Variants in ADAM22 observed in about 807,000 individuals in gnomAD.
ADAM22 encodes ADAM metallopeptidase domain 22, also known as disintegrin and metalloproteinase domain-containing protein 22.
Under a neutral mutation model 144.6 loss-of-function variants are expected in ADAM22, and 65 were observed. The observed-to-expected ratio is 0.45, with a 90% CI of 0.37 to 0.55. ADAM22 has a LOEUF of 0.55. ADAM22 is among the 20% of genes least tolerant of loss of function. The pLI is 0.00. For missense variants in ADAM22, 974 were observed against 1,184.9 expected (o/e 0.82, Z 2.61); for synonymous variants, 391 against 412.6 (o/e 0.95, Z 0.63).
intron 7 of ADAM22, among the ~76,000 whole-genome samples, chr7:88,123,304 T>C (rs970189592): frequency 1.3e-5 from 2 of 152,024 alleles, no homozygotes; most frequent in Non-Finnish European, 2.9e-5. Flanking sequence ...CTTTTTTTTT[T>C]CTAAGTTGGT....
At chr7:87,991,657 C>T (rs994387615) in intron 3 of ADAM22, among the ~76,000 whole-genome samples, 5 of 152,202 alleles carry the variant, frequency 3.3e-5, no homozygotes, top group Admixed American at 6.5e-5. Context: ...TGAGCCACCG[C>T]GCCCGGCACT....
intron 3 of ADAM22, among the ~76,000 whole-genome samples, chr7:88,003,324 G>T (rs148167201): frequency 4.1e-4 from 63 of 152,272 alleles, no homozygotes; most frequent in African/African-American, 1.5e-3. Flanking sequence ...TACAAATGAG[G>T]AAACTCAGGC....
chr7:88,032,810 A>G (rs956504774), intron 3 of ADAM22, among the ~76,000 whole-genome samples: 8 of 152,114 alleles, frequency 5.3e-5, no homozygotes, highest in Non-Finnish European at 8.8e-5. Context: ...TTCTCACAAA[A>G]TCTGGTTGTT....
At chr7:88,000,684 A>G (rs547314080) in intron 3 of ADAM22, among the ~76,000 whole-genome samples, 26 of 152,324 alleles carry the variant, frequency 1.7e-4, no homozygotes, top group Middle Eastern at 3.4e-3. Context: ...ATTACAGCTT[A>G]TATAACATTA....
intron 3 of ADAM22, among the ~76,000 whole-genome samples, chr7:87,991,040 C>G (rs1373668680): frequency 6.6e-6 from 1 of 152,142 alleles, no homozygotes; most frequent in African/African-American, 2.4e-5. Context: ...CACTCAATTT[C>G]AATCATTTTT....
intron 3 of ADAM22, among the ~76,000 whole-genome samples, chr7:88,034,396 TGAGCTGGTATCCAA>T (rs1373885124): frequency 6.6e-6 from 1 of 152,188 alleles, no homozygotes; most frequent in Non-Finnish European, 1.5e-5. Flanking sequence ...CTGCTGTGGC[TGAGCTGGTATCCAA>T]GTTGCAAAAC....
chr7:87,941,785 A>G (rs141162742), intron 2 of ADAM22, among the ~76,000 whole-genome samples: 2 of 152,324 alleles, frequency 1.3e-5, no homozygotes, highest in African/African-American at 4.8e-5. Flanking sequence ...TATGGTGCAC[A>G]GAAGGAATCA....
intron 30 of ADAM22, among the ~76,000 whole-genome samples, chr7:88,191,665 A>C (rs552100945): frequency 6.6e-6 from 1 of 152,340 alleles, no homozygotes; most frequent in African/African-American, 2.4e-5. Flanking sequence ...CATTGCTTTA[A>C]TAGAACTTTA....
At chr7:87,938,338 C>T (rs2131206332) in intron 2 of ADAM22, among the ~76,000 whole-genome samples, 1 of 150,476 alleles carries the variant, frequency 6.6e-6, no homozygotes, top group South Asian at 2.1e-4. Context: ...CCTGTCTCAG[C>T]CACCTGAATA....
chr7:88,009,356 T>C (rs1794807248), intron 3 of ADAM22, among the ~76,000 whole-genome samples: 1 of 152,226 alleles, frequency 6.6e-6, no homozygotes, highest in Non-Finnish European at 1.5e-5. Context: ...CCCAAGAGCT[T>C]ATTCATTAAT....
At chr7:88,021,486 T>A (rs973708396) in intron 3 of ADAM22, among the ~76,000 whole-genome samples, 2 of 152,242 alleles carry the variant, frequency 1.3e-5, no homozygotes, top group Non-Finnish European at 2.9e-5. Flanking sequence ...GGACACTTTG[T>A]ATACTCCATT....
At chr7:88,053,331 A>G (rs75532224) in intron 3 of ADAM22, among the ~76,000 whole-genome samples, 1 of 151,844 alleles carries the variant, frequency 6.6e-6, no homozygotes, top group Non-Finnish European at 1.5e-5. Context: ...GCTGGGCATC[A>G]TAGTATGCAT....
intron 4 of ADAM22, among the ~76,000 whole-genome samples, chr7:88,105,378 T>A (rs1306287025): frequency 6.6e-6 from 1 of 152,152 alleles, no homozygotes; most frequent in East Asian, 1.9e-4. Flanking sequence ...GGTCATCTGT[T>A]GACTGTTGAC....
At chr7:88,047,246 T>A (rs1323057316) in intron 3 of ADAM22, among the ~76,000 whole-genome samples, 1 of 152,240 alleles carries the variant, frequency 6.6e-6, no homozygotes, top group Non-Finnish European at 1.5e-5. Flanking sequence ...GGCAGGCTTA[T>A]CTTTTCTCTA....
intron 4 of ADAM22, among the ~76,000 whole-genome samples, chr7:88,097,385 C>T (rs1353804978): frequency 2.6e-5 from 4 of 151,536 alleles, no homozygotes; most frequent in African/African-American, 9.7e-5. Flanking sequence ...TGACTTCAAG[C>T]GACCCACCCG....
At chr7:88,097,151 C>CTT (rs1169759079) in intron 4 of ADAM22, among the ~76,000 whole-genome samples, 2,457 of 129,110 alleles carry the variant, frequency 0.019, 108 homozygotes, top group African/African-American at 0.066. Context: ...TTTTTCTTTT[C>CTT]TTTTTTTTTT....
chr7:88,052,783 T>G (rs542851281), intron 3 of ADAM22, among the ~76,000 whole-genome samples: 9 of 152,210 alleles, frequency 5.9e-5, no homozygotes, highest in Non-Finnish European at 1.0e-4. Flanking sequence ...TCAGCTATCC[T>G]GTTTGCCTTA....
chr7:88,197,378 T>G lies in ADAM22; in HGVS notation c.*887T>G, dbSNP rs1258460156. 1 of 152,188 alleles carries G rather than the reference T, an allele frequency of 6.6e-6. No homozygotes were observed. Among genetic ancestry groups the G allele is most frequent in the Non-Finnish European group, 1.5e-5 (1 of 68,034 alleles). The allele number at this position is 152,188 out of a possible 1,614,324, so 9.4% of individuals were successfully genotyped here. On this transcript the variant is annotated 3_prime_UTR_variant, in exon 32 of 32. Transcript: ENST00000413139. ...TGAGTAGTTGAGTGAGAGAACAAAA[T>G]GCCCAGCAAAACTTCTGGCCTCCAC...
chr7:88,078,452 A>G (rs1815347310), intron 4 of ADAM22, among the ~76,000 whole-genome samples: 1 of 152,270 alleles, frequency 6.6e-6, no homozygotes, highest in African/African-American at 2.4e-5. Context: ...CTCTTCCTCC[A>G]AAGGAGCGCA....
Sources: allele counts gnomAD v4.1 joint callset (sites outside exome capture counted in the v4.1 genomes callset), GRCh38; gene constraint gnomAD v4.1.1; transcripts MANE v1.5; gene names NCBI Gene and HGNC (gene_info 2026-07-23, HGNC 2026-07-21).